The following ZNF174 variants were observed in gnomAD, a reference collection of about 807,000 sequenced individuals.
ZNF174 encodes AW-1.
A neutral mutation model predicts 38.7 loss-of-function variants in ZNF174; 30 were observed. That is an observed-to-expected ratio of 0.78 (90% confidence interval 0.58 to 1.05). The LOEUF is 1.05. Ranked by LOEUF, ZNF174 falls within the 50% of genes least tolerant of loss-of-function variation. ZNF174 has a pLI of 0.00. For synonymous variants in ZNF174, 201 were observed against 181.7 expected, an observed-to-expected ratio of 1.11 and a Z score of -0.86; for missense variants, 499 against 495.6, an observed-to-expected ratio of 1.01 and a Z score of -0.06.
At chr16:3,402,482 G>T in intron 1 of ZNF174, 76 bp downstream of exon 1, 1 of 1,418,172 alleles carries the variant, frequency 7.1e-7, no homozygotes, top group Non-Finnish European at 9.4e-7. Context: ...TTTTTGAGAC[G>T]GAATCTTGCT....
rs765425915 is a variant in ZNF174, at chr16:3,402,326, C to T, written c.322C>T (p.His108Tyr). 4 of 1,613,988 alleles carry T rather than the reference C, an allele frequency of 2.5e-6. No homozygotes were observed. In the African/African-American group the frequency reaches 4.0e-5, roughly 16 times the overall value. ...LPPEIQARVR[H>Y]RCPMSSKEIV... The stretch of plus-strand genomic sequence containing the variant: ...CCCGGAGATCCAGGCTCGGGTCAGG[C>T]ATCGATGTCCAATGAGCAGCAAGGA... The change falls in exon 1 of 3, where the codon CAT becomes TAT. Residue 108 changes from histidine to tyrosine, a missense_variant. Transcript: ENST00000268655.
At chr16:3,407,361 T>C (rs2034069697) in intron 2 of ZNF174, among the ~76,000 whole-genome samples, 1 of 152,202 alleles carries the variant, frequency 6.6e-6, no homozygotes, top group African/African-American at 2.4e-5. Context: ...AGGGTCCAAC[T>C]TCATTCTCTT....
At chr16:3,404,860 A>T (rs1221266240) in intron 2 of ZNF174, 1 of 1,595,728 alleles carries the variant, frequency 6.3e-7, no homozygotes, top group African/African-American at 1.4e-5. Context: ...ATGAAAATTT[A>T]AGAATCCAGT....
rs533090247 is a variant in ZNF174, at chr16:3,401,389, C to G, written c.-616C>G. Reference sequence around the variant, plus strand: ...GCTGCGCATCGGGTTGCGGCAGCTTCGCCAGGCCTGGGGCTGGCTGGGCCG... The same window carrying G: ...GCTGCGCATCGGGTTGCGGCAGCTTGGCCAGGCCTGGGGCTGGCTGGGCCG... On this transcript the variant is annotated 5_prime_UTR_variant, in exon 1 of 3. Transcript: ENST00000268655. 6.6e-6 allele frequency: 1 copy of G among 152,540 alleles called. No homozygotes were observed. The highest frequency in any genetic ancestry group is 6.5e-5 in the Admixed American group (1 of 15,302). The allele number at this position is 152,540 out of a possible 1,614,324, so 9.4% of individuals were successfully genotyped here. A position where few individuals can be genotyped will look rare whatever the true frequency, so the allele number is the denominator to read the frequency against.
chr16:3,407,131 G>T (rs1288809200), intron 2 of ZNF174, among the ~76,000 whole-genome samples: 1 of 152,172 alleles, frequency 6.6e-6, no homozygotes, highest in African/African-American at 2.4e-5. Context: ...AGCAGATTTG[G>T]TGTCTGGCGA....
chr16:3,408,972 C>A lies in ZNF174; in HGVS notation c.*53C>A. On this transcript the variant is annotated 3_prime_UTR_variant, in exon 3 of 3. Transcript: ENST00000268655. ...ACGGAAGGTGTTTGTGTTTCTCCTC[C>A]CCCTTACTTGCATGTAAATCACAAA... is the stretch of plus-strand genomic sequence containing the variant. 1 of 1,491,958 alleles carries A rather than the reference C, an allele frequency of 6.7e-7. No individual in the cohort carries two copies. Among genetic ancestry groups the A allele is most frequent in the Non-Finnish European group, 9.1e-7 (1 of 1,104,320 alleles). The allele number at this position is 1,491,958 out of a possible 1,614,324, so 92.4% of individuals were successfully genotyped here.
intron 2 of ZNF174, among the ~76,000 whole-genome samples, chr16:3,406,100 C>T (rs1053571543): frequency 6.6e-6 from 1 of 152,194 alleles, no homozygotes; most frequent in African/African-American, 2.4e-5. Context: ...TTTATCCATG[C>T]TGTAGCATCA....
chr16:3,404,742 T>G (rs2034028120), intron 2 of ZNF174, 94 bp downstream of exon 2: 1 of 1,539,766 alleles, frequency 6.5e-7, no homozygotes, highest in Non-Finnish European at 8.9e-7. Flanking sequence ...CATGTGTGTG[T>G]TTTTTTAAAT....
rs994473818 is a variant in ZNF174 at position 3,402,112 on chromosome 16, A to C, written c.108A>C (p.Gln36His). The change falls in exon 1 of 3, where the codon CAA (glutamine) becomes CAC (histidine). Residue 36 changes from glutamine (Q) to histidine (H), a missense_variant. Transcript: ENST00000268655. ...AAGAGAAACGGGGCCCTCCTCTGCA[A>C]AAAAACTGCCCAGATCCTGAGCTCT... ...KLEEKRGPPL[Q>H]KNCPDPELCR... 1 of 1,614,190 alleles carries C rather than the reference A, an allele frequency of 6.2e-7. No individual in the cohort carries two copies. The highest frequency in any genetic ancestry group is 8.5e-7 in the Non-Finnish European group (1 of 1,180,028).
intron 2 of ZNF174, 93 bp downstream of exon 2, chr16:3,404,741 G>GT (rs2034028164): frequency 1.3e-6 from 2 of 1,548,044 alleles, no homozygotes; most frequent in African/African-American, 1.4e-5. Context: ...ACATGTGTGT[G>GT]TTTTTTTAAA....
In ZNF174 at chr16:3,402,176, T is replaced by A; in HGVS notation, c.172T>A (p.Ser58Thr). 3 of 1,613,010 alleles carry A rather than the reference T, an allele frequency of 1.9e-6. No homozygotes were observed. Among genetic ancestry groups the A allele is most frequent in the Non-Finnish European group, 2.5e-6 (3 of 1,179,084 alleles). The change falls in exon 1 of 3, where the codon TCT (serine) becomes ACT (threonine). Residue 58 changes from serine (S) to threonine (T), a missense_variant. Ser to Thr is a moderately conservative substitution (Grantham distance 58). Transcript: ENST00000268655. ...SFRRFCYQEV[S>T]GPQEALSQLR... Reference sequence around the variant, plus strand: ...CAGACGCTTTTGTTATCAAGAGGTGTCTGGACCCCAAGAGGCTCTCTCCCA... The same window carrying A: ...CAGACGCTTTTGTTATCAAGAGGTGACTGGACCCCAAGAGGCTCTCTCCCA...
intron 2 of ZNF174, chr16:3,405,106 C>G (rs1160220884): frequency 6.8e-7 from 1 of 1,473,122 alleles, no homozygotes; most frequent in East Asian, 2.4e-5. Context: ...TTCCCTTTCT[C>G]TGGTGTGATA....
Position 3,409,155 on chromosome 16 carries a change from T to C in ZNF174, c.*236T>C. On this transcript the variant is annotated 3_prime_UTR_variant, in exon 3 of 3. Coordinates refer to ENST00000268655, the MANE Select transcript of ZNF174 (RefSeq NM_003450.3). Reference sequence around the variant, plus strand: ...GGCACTGGGGCAAAGAGAACTTAAGTCTCTGCAGAGAGCAAGGAGTAACTA... The same window carrying C: ...GGCACTGGGGCAAAGAGAACTTAAGCCTCTGCAGAGAGCAAGGAGTAACTA... 1.9e-6 allele frequency: 1 copy of C among 531,378 alleles called. No homozygotes were observed. The highest frequency in any genetic ancestry group is 3.3e-6 in the Non-Finnish European group (1 of 298,816). The allele number at this position is 531,378 out of a possible 1,614,324, so 32.9% of individuals were successfully genotyped here.
At position 3,405,905 on chromosome 16, in the gene ZNF174, A is replaced by T. The variant is rs182273901; in HGVS notation, c.625+1257A>T. ...ACCTGTAATCCCAGCTGCTTGGGGG[A>T]GCTGAGGCAGGAGGATCACTTCAAC... is the stretch of plus-strand genomic sequence containing the variant. On this transcript the variant is annotated intron_variant, in intron 2 of 2. Coordinates refer to ENST00000268655, the MANE Select transcript of ZNF174 (RefSeq NM_003450.3). Among the ~76,000 whole-genome samples, 265 of 152,222 alleles carry T rather than the reference A, an allele frequency of 1.7e-3. 2 individuals carry two copies. Among genetic ancestry groups the T allele is most frequent in the African/African-American group, 6.2e-3 (257 of 41,530 alleles).
chr16:3,408,968 C>T lies in ZNF174; in HGVS notation c.*49C>T, dbSNP rs545721763. ...TCACACGGAAGGTGTTTGTGTTTCTCCTCCCCCTTACTTGCATGTAAATCA... is the reference window on the plus strand; with the variant it reads ...TCACACGGAAGGTGTTTGTGTTTCTTCTCCCCCTTACTTGCATGTAAATCA... On this transcript the variant is annotated 3_prime_UTR_variant, in exon 3 of 3. Transcript: ENST00000268655. The T allele has an allele frequency of 1.1e-5, 17 of 1,510,218 alleles. No individual in the cohort carries two copies. In the South Asian group the frequency reaches 1.8e-4, roughly 16 times the overall value. The allele number at this position is 1,510,218 out of a possible 1,614,324, so 93.6% of individuals were successfully genotyped here.
chr16:3,408,424 T>A lies in ZNF174; in HGVS notation c.729T>A (p.Gly243=), dbSNP rs899537749. ...CAGCTGGCAGATCCAAAGGGAATGG[T>A]CTGCAGAATCCTGAACCAAGAGGGG... The part of the protein sequence containing the change: ...AVSAGRSKGN[G]LQNPEPRGAN... The change falls in exon 3 of 3, where the codon GGT becomes GGA. Residue 243 remains glycine (G), a synonymous_variant. Transcript: ENST00000268655. 4.3e-6 allele frequency: 7 copies of A among 1,613,984 alleles called. No individual in the cohort carries two copies. The highest frequency in any genetic ancestry group is 5.9e-6 in the Non-Finnish European group (7 of 1,180,016).
At position 3,402,384 on chromosome 16, in the gene ZNF174, C is replaced by G. The variant is rs960828514; in HGVS notation, c.380C>G (p.Ala127Gly). The G allele has an allele frequency of 6.2e-7, 1 of 1,613,772 alleles. No homozygotes were observed. The highest frequency in any genetic ancestry group is 1.7e-5 in the Admixed American group (1 of 59,940). Residue 127 changes from alanine to glycine, a missense_variant, in exon 1 of 3, where the codon GCA (alanine) becomes GGA (glycine). Physicochemically the swap from Ala to Gly is moderately conservative, Grantham distance 60. Transcript: ENST00000268655. ...IVTLVEDFHR[A>G]SKKPKQWVAV... ...ACCCTCGTGGAAGATTTTCACAGAG[C>G]ATCCAAGAAACCAAAGCAGTGGGTA... is the stretch of plus-strand genomic sequence containing the variant.
intron 2 of ZNF174, among the ~76,000 whole-genome samples, chr16:3,405,298 G>A (rs561952875): frequency 1.2e-4 from 18 of 152,332 alleles, no homozygotes; most frequent in African/African-American, 3.6e-4. Flanking sequence ...GAGGTACTTC[G>A]TGTTTTAGTC....
intron 2 of ZNF174, among the ~76,000 whole-genome samples, chr16:3,406,100 C>G (rs1053571543): frequency 1.3e-5 from 2 of 152,194 alleles, no homozygotes; most frequent in African/African-American, 4.8e-5. Context: ...TTTATCCATG[C>G]TGTAGCATCA....
Sources: allele counts gnomAD v4.1 joint callset (sites outside exome capture counted in the v4.1 genomes callset), GRCh38; gene constraint gnomAD v4.1.1; transcripts MANE v1.5; gene names NCBI Gene and HGNC (gene_info 2026-07-23, HGNC 2026-07-21).